MYO9A: variants seen among roughly 807,000 people sequenced by gnomAD.
The protein encoded by MYO9A is myosin IXA, also known as unconventional myosin-IXa.
A neutral mutation model predicts 293.3 loss-of-function variants in MYO9A; 103 were observed. The ratio of observed to expected loss-of-function variants is 0.35; its 90% CI spans 0.30 to 0.41. MYO9A has a LOEUF of 0.41. Among genes scored for constraint, MYO9A ranks in the 10% least tolerant of loss-of-function variants. The pLI, the probability that MYO9A is intolerant of heterozygous loss-of-function variation, is 1.00. For missense variants in MYO9A, 2,685 were observed against 3,033.0 expected (o/e 0.89, Z 2.69); for synonymous variants, 1,001 against 1,035.7 (o/e 0.97, Z 0.64).
chr15:71,896,174 G>A (rs1207016488), intron 25 of MYO9A, among the ~76,000 whole-genome samples: 2 of 152,184 alleles, frequency 1.3e-5, no homozygotes, highest in South Asian at 2.1e-4. Context: ...ATATATTATT[G>A]ATCATCTCTT....
chr15:71,848,925 C>G lies in MYO9A; in HGVS notation c.6757G>C (p.Ala2253Pro). The change falls in exon 39 of 42, where the codon GCT becomes CCT. Residue 2253 changes from alanine (A) to proline (P), a missense_variant. Physicochemically the swap from Ala to Pro is conservative, Grantham distance 27. Around this residue, in one of 10 missense-constraint regions of MYO9A, gnomAD observed 7 missense variants for 28.9 expected, o/e 0.24. Coordinates refer to ENST00000356056, the MANE Select transcript of MYO9A (RefSeq NM_006901.4). Reference protein sequence around the residue: ...IVVEQMNKYKARLKDISSLEF... With the variant: ...IVVEQMNKYKPRLKDISSLEF... Reference sequence around the variant, plus strand: ...AAGCTACTGATATCTTTGAGACGAGCCTTGTATTTATTCATTTGTTCCACA... The same window carrying G: ...AAGCTACTGATATCTTTGAGACGAGGCTTGTATTTATTCATTTGTTCCACA... 1 of 1,610,512 alleles carries G rather than the reference C, an allele frequency of 6.2e-7. No individual in the cohort carries two copies.
At chr15:71,850,262 T>TA in intron 37 of MYO9A, 95 bp from the exon 38 acceptor site, 1 of 1,429,896 alleles carries the variant, frequency 7.0e-7, no homozygotes, top group Non-Finnish European at 9.7e-7. Flanking sequence ...AAGAAGACAG[T>TA]ATGACATGAA....
chr15:72,092,663 T>C (rs1345615040), intron 1 of MYO9A, among the ~76,000 whole-genome samples: 1 of 152,166 alleles, frequency 6.6e-6, no homozygotes, highest in Non-Finnish European at 1.5e-5. Context: ...AGCTCTGCTG[T>C]TGTAGCATGA....
At chr15:72,060,886 C>T (rs2078859658) in intron 1 of MYO9A, among the ~76,000 whole-genome samples, 1 of 152,152 alleles carries the variant, frequency 6.6e-6, no homozygotes, top group Non-Finnish European at 1.5e-5. Context: ...TGCATTACCC[C>T]TCCCCCAGCA....
At chr15:71,870,183 A>G (rs1460605775) in intron 32 of MYO9A, among the ~76,000 whole-genome samples, 1 of 152,062 alleles carries the variant, frequency 6.6e-6, no homozygotes, top group Admixed American at 6.6e-5. Context: ...AGTGATTTTG[A>G]AAGTCTGTAT....
intron 32 of MYO9A, among the ~76,000 whole-genome samples, chr15:71,867,733 C>T (rs1029124222): frequency 6.7e-6 from 1 of 149,300 alleles, no homozygotes; most frequent in Non-Finnish European, 1.5e-5. Context: ...AGAAATGAAG[C>T]AATATTTATC....
chr15:71,837,658 G>C (rs1022295403), intron 39 of MYO9A, among the ~76,000 whole-genome samples: 3 of 151,950 alleles, frequency 2.0e-5, no homozygotes, highest in Admixed American at 6.6e-5. Flanking sequence ...AAGCTCAACA[G>C]ATCTGATCTC....
At position 71,946,023 on chromosome 15, in the gene MYO9A, G is replaced by A. The variant is rs2058909779; in HGVS notation, c.2302+5754C>T. On this transcript the variant is annotated intron_variant, in intron 15 of 41. Coordinates refer to ENST00000356056, the MANE Select transcript of MYO9A (RefSeq NM_006901.4). ...CTTTTTATATGGTTAACATGGTCAAGCCAACCTTTCTCATCCCTGGAATAA... is the reference window on the plus strand; with the variant it reads ...CTTTTTATATGGTTAACATGGTCAAACCAACCTTTCTCATCCCTGGAATAA... Among the ~76,000 whole-genome samples the A allele has an allele frequency of 2.0e-5, 3 of 152,122 alleles. No homozygotes were observed. In the South Asian group the frequency reaches 6.2e-4, roughly 31 times the overall value.
intron 1 of MYO9A, among the ~76,000 whole-genome samples, chr15:72,062,522 CAG>C (rs534349421): frequency 7.0e-4 from 106 of 152,206 alleles, no homozygotes; most frequent in African/African-American, 2.3e-3. Flanking sequence ...AGAAATCAAA[CAG>C]AAATTTGGGA....
chr15:71,895,855 A>G (rs967883425), intron 25 of MYO9A, among the ~76,000 whole-genome samples: 4 of 152,178 alleles, frequency 2.6e-5, no homozygotes, highest in African/African-American at 9.6e-5. Flanking sequence ...TGTTTTTTAC[A>G]AAACAAATTC....
rs1006219258 is a variant in MYO9A at position 72,027,756 on chromosome 15, G to A, written c.973C>T (p.Leu325Phe). ...CGTTCATTATGCTCCTGATAAACGA[G>A]TCTGGACTTCTCCAGTAGATATTTT... ...VEKYLLEKSR[L>F]VYQEHNERNY... Residue 325 changes from leucine to phenylalanine, a missense_variant, in exon 4 of 42, where the codon CTC (leucine) becomes TTC (phenylalanine). Leu to Phe is a conservative substitution (Grantham distance 22). This residue lies in a region of MYO9A where 289 missense variants were observed against 456.8 expected (regional missense o/e 0.63). Coordinates refer to ENST00000356056, the MANE Select transcript of MYO9A (RefSeq NM_006901.4). 5 of 1,609,054 alleles carry A rather than the reference G, an allele frequency of 3.1e-6. No individual in the cohort carries two copies. The highest frequency in any genetic ancestry group is 4.2e-6 in the Non-Finnish European group (5 of 1,178,104).
At chr15:72,003,468 G>A (rs1215030498) in intron 8 of MYO9A, among the ~76,000 whole-genome samples, 2 of 151,854 alleles carry the variant, frequency 1.3e-5, no homozygotes, top group African/African-American at 4.8e-5. Context: ...AGGCCGAGAC[G>A]GGCAGATCAC....
chr15:71,994,109 T>C (rs1228628324), intron 10 of MYO9A, among the ~76,000 whole-genome samples: 3 of 152,170 alleles, frequency 2.0e-5, no homozygotes, highest in Non-Finnish European at 2.9e-5. Context: ...CATCTTACTA[T>C]ATATTTATAA....
chr15:71,978,947 T>C (rs975860476), intron 11 of MYO9A, among the ~76,000 whole-genome samples: 4 of 151,748 alleles, frequency 2.6e-5, no homozygotes, highest in Admixed American at 1.3e-4. Context: ...ACTTTTTAGA[T>C]GGTTTTTTTA....
intron 1 of MYO9A, among the ~76,000 whole-genome samples, chr15:72,101,775 G>C (rs2080341472): frequency 6.9e-6 from 1 of 145,572 alleles, no homozygotes; most frequent in African/African-American, 2.5e-5. Context: ...GGGAAGTGAG[G>C]AGCCCCTCTG....
intron 15 of MYO9A, among the ~76,000 whole-genome samples, chr15:71,944,925 G>A (rs1229127187): frequency 6.6e-6 from 1 of 152,096 alleles, no homozygotes; most frequent in Non-Finnish European, 1.5e-5. Flanking sequence ...CTGAGAGAGA[G>A]CTGCATCTCA....
chr15:72,054,700 A>G (rs2078669794), intron 1 of MYO9A, among the ~76,000 whole-genome samples: 1 of 149,680 alleles, frequency 6.7e-6, no homozygotes, highest in Admixed American at 6.6e-5. Flanking sequence ...AAAAAAAAAA[A>G]AAAGCAGGAG....
At chr15:71,974,279 T>C (rs1167121155) in intron 12 of MYO9A, among the ~76,000 whole-genome samples, 2 of 152,206 alleles carry the variant, frequency 1.3e-5, no homozygotes, top group African/African-American at 2.4e-5. Context: ...ATTAAAACAC[T>C]GGTTGTCTAA....
intron 1 of MYO9A, among the ~76,000 whole-genome samples, chr15:72,049,663 T>C (rs748033425): frequency 6.6e-6 from 1 of 152,232 alleles, no homozygotes; most frequent in Non-Finnish European, 1.5e-5. Context: ...GAGATTGTCA[T>C]AGAAGCATTA....
Sources: gnomAD v4.1 joint callset for allele counts (sites outside exome capture counted in the v4.1 genomes callset) on GRCh38, gnomAD v4.1.1 for gene constraint, gnomAD v4.1.1 regional missense constraint, MANE v1.5 for transcripts, NCBI Gene and HGNC (gene_info 2026-07-23, HGNC 2026-07-21) for gene names.